RPS6KA5: variants seen among roughly 807,000 people sequenced by gnomAD.
The protein encoded by RPS6KA5 is ribosomal protein S6 kinase alpha-5.
A neutral mutation model predicts 85.5 loss-of-function variants in RPS6KA5; 27 were observed. The observed-to-expected ratio is 0.32, with a 90% CI of 0.23 to 0.44. RPS6KA5 has a LOEUF of 0.44. Ranked by LOEUF, RPS6KA5 falls within the 20% of genes least tolerant of loss-of-function variation. RPS6KA5 has a pLI of 1.00. For missense variants in RPS6KA5, 811 were observed against 980.9 expected, an observed-to-expected ratio of 0.83 and a Z score of 2.31; for synonymous variants, 334 against 348.2, an observed-to-expected ratio of 0.96 and a Z score of 0.46.
In RPS6KA5 at chr14:90,848,516, T is replaced by C. The variant is rs1026863251; in HGVS notation, c.*23558A>G. On this transcript the variant is annotated 3_prime_UTR_variant, in exon 17 of 17. Coordinates refer to ENST00000614987, the MANE Select transcript of RPS6KA5 (RefSeq NM_004755.4). Reference sequence around the variant, plus strand: ...AGGTGGCAGCAACCAAAAATATCATTCCCTCTGGGGGGAATTAATGCTAGA... The same window carrying C: ...AGGTGGCAGCAACCAAAAATATCATCCCCTCTGGGGGGAATTAATGCTAGA... 2 of 152,098 alleles carry C rather than the reference T, an allele frequency of 1.3e-5. No individual in the cohort carries two copies. Among genetic ancestry groups the C allele is most frequent in the Admixed American group, 1.3e-4 (2 of 15,264 alleles). 9.4% of individuals were successfully genotyped at this position (152,098 alleles called of 1,614,324 possible).
rs1484454572 is a variant in RPS6KA5 at position 90,850,428 on chromosome 14, T to C, written c.*21646A>G. On this transcript the variant is annotated 3_prime_UTR_variant, in exon 17 of 17. Coordinates refer to ENST00000614987, the MANE Select transcript of RPS6KA5 (RefSeq NM_004755.4). The stretch of plus-strand genomic sequence containing the variant: ...AAGTATTTTTAATCTATTAAGAAAA[T>C]GAAGAAAACAACCTAATCAATGTGG... 1 of 93,540 alleles carries C rather than the reference T, an allele frequency of 1.1e-5. No individual in the cohort carries two copies. The allele number at this position is 93,540 out of a possible 1,614,324, so 5.8% of individuals were successfully genotyped here.
At chr14:90,872,604 C>T (rs555190346) in intron 16 of RPS6KA5, among the ~76,000 whole-genome samples, 4 of 152,202 alleles carry the variant, frequency 2.6e-5, no homozygotes, top group Non-Finnish European at 4.4e-5. Context: ...CATCCTAATA[C>T]GAAACAATTG....
At chr14:91,001,497 T>A (rs539553226) in intron 1 of RPS6KA5, among the ~76,000 whole-genome samples, 7 of 152,276 alleles carry the variant, frequency 4.6e-5, no homozygotes, top group African/African-American at 1.7e-4. Flanking sequence ...GGGAAAAAAC[T>A]GGATGGATTG....
At chr14:91,037,135 G>C (rs769133293) in intron 1 of RPS6KA5, among the ~76,000 whole-genome samples, 2 of 152,176 alleles carry the variant, frequency 1.3e-5, no homozygotes, top group African/African-American at 4.8e-5. Flanking sequence ...AAGGGATATA[G>C]TGGAATGTTT....
At chr14:90,962,327 A>G (rs2038844947) in intron 3 of RPS6KA5, among the ~76,000 whole-genome samples, 1 of 150,934 alleles carries the variant, frequency 6.6e-6, no homozygotes, top group African/African-American at 2.4e-5. Flanking sequence ...TTTTTGAGAC[A>G]GAGTCTCACT....
intron 3 of RPS6KA5, among the ~76,000 whole-genome samples, chr14:90,962,547 A>C (rs145942703): frequency 0.046 from 7,023 of 151,844 alleles, 422 homozygotes; most frequent in African/African-American, 0.12. Flanking sequence ...TTGGCCTCCC[A>C]AAGTGCTGGG....
At chr14:90,956,030 G>GT (rs1367287930) in intron 3 of RPS6KA5, among the ~76,000 whole-genome samples, 1 of 152,100 alleles carries the variant, frequency 6.6e-6, no homozygotes, top group Non-Finnish European at 1.5e-5. Context: ...AGAAAAAACC[G>GT]TTTAACAACT....
chr14:91,057,896 A>T (rs563723222), intron 1 of RPS6KA5, among the ~76,000 whole-genome samples: 2 of 152,370 alleles, frequency 1.3e-5, no homozygotes, highest in Admixed American at 1.3e-4. Flanking sequence ...CGATGTCTAC[A>T]TATTAAGCTG....
At chr14:91,047,742 A>T (rs1168140567) in intron 1 of RPS6KA5, among the ~76,000 whole-genome samples, 2 of 152,202 alleles carry the variant, frequency 1.3e-5, no homozygotes. Context: ...ACTGGATCTC[A>T]TGGAGCTAAA....
chr14:91,027,746 C>A (rs1180439746), intron 1 of RPS6KA5, among the ~76,000 whole-genome samples: 5 of 152,102 alleles, frequency 3.3e-5, no homozygotes, highest in Non-Finnish European at 4.4e-5. Flanking sequence ...TAGAGTACTG[C>A]CAGTTGATGA....
At chr14:91,032,320 G>C (rs769613576) in intron 1 of RPS6KA5, among the ~76,000 whole-genome samples, 3 of 152,284 alleles carry the variant, frequency 2.0e-5, no homozygotes, top group Admixed American at 1.3e-4. Flanking sequence ...TAGATTCTTA[G>C]GGGCTTGGGC....
rs143210187 is a variant in RPS6KA5, at chr14:90,944,948, T to A, written c.511-1763A>T. ...CCAATGTCTCTATTTTTTTTTTTTT[T>A]AAAAGAACAGAATAAAAAACGGACA... On this transcript the variant is annotated intron_variant, in intron 4 of 16. Transcript: ENST00000614987. Among the ~76,000 whole-genome samples the A allele has an allele frequency of 3.9e-3, 449 of 115,030 alleles. 2 individuals carry two copies. Among genetic ancestry groups the A allele is most frequent in the African/African-American group, 0.014 (365 of 25,182 alleles). The allele number at this position is 115,030 out of a possible 152,430, so 75.5% of individuals were successfully genotyped here.
chr14:90,956,970 T>TG (rs1347273093), intron 3 of RPS6KA5, among the ~76,000 whole-genome samples: 1 of 149,512 alleles, frequency 6.7e-6, no homozygotes, highest in Admixed American at 6.7e-5. Context: ...TTCTGTTTTT[T>TG]TTTTTTTTTT....
intron 2 of RPS6KA5, among the ~76,000 whole-genome samples, chr14:90,999,979 G>T (rs1037141659): frequency 2.0e-5 from 3 of 151,914 alleles, no homozygotes; most frequent in African/African-American, 7.3e-5. Context: ...TTTATTTTTT[G>T]TTGAGATGAG....
chr14:90,941,464 C>A (rs2037568103), intron 5 of RPS6KA5, among the ~76,000 whole-genome samples: 1 of 152,170 alleles, frequency 6.6e-6, no homozygotes, highest in Admixed American at 6.5e-5. Flanking sequence ...TTCTGTGTGT[C>A]CATTTTCACC....
At chr14:90,933,443 T>G (rs113742810) in intron 5 of RPS6KA5, among the ~76,000 whole-genome samples, 28 of 152,262 alleles carry the variant, frequency 1.8e-4, no homozygotes, top group African/African-American at 6.7e-4. Context: ...CACACTAGAT[T>G]TCTTCTGAAT....
chr14:91,020,614 T>TGTGTGTG (rs2041719555), intron 1 of RPS6KA5, among the ~76,000 whole-genome samples: 1 of 91,272 alleles, frequency 1.1e-5, no homozygotes, highest in Admixed American at 1.1e-4. Flanking sequence ...ATATATCCTA[T>TGTGTGTG]TGTGTGTGTG....
At chr14:90,935,087 G>A (rs754604160) in intron 5 of RPS6KA5, among the ~76,000 whole-genome samples, 2 of 152,120 alleles carry the variant, frequency 1.3e-5, no homozygotes, top group African/African-American at 2.4e-5. Flanking sequence ...ATGACTACAT[G>A]TCAGTACAAA....
At position 90,859,404 on chromosome 14, in the gene RPS6KA5, A is replaced by C. The variant is rs989299120; in HGVS notation, c.*12670T>G. 6.6e-6 allele frequency: 1 copy of C among 152,234 alleles called. No individual in the cohort carries two copies. Among genetic ancestry groups the C allele is most frequent in the East Asian group, 1.9e-4 (1 of 5,198 alleles). The allele number at this position is 152,234 out of a possible 1,614,324, so 9.4% of individuals were successfully genotyped here. On this transcript the variant is annotated 3_prime_UTR_variant, in exon 17 of 17. Transcript: ENST00000614987. ...ATGGAAACAAACAACTAGTAGTAGT[A>C]ATCAGACACTGGATTTCTCAGACAA...
Sources: allele counts gnomAD v4.1 joint callset (sites outside exome capture counted in the v4.1 genomes callset), GRCh38; gene constraint gnomAD v4.1.1; transcripts MANE v1.5; gene names NCBI Gene and HGNC (gene_info 2026-07-23, HGNC 2026-07-21).